Variants in MYO9B observed in about 807,000 individuals in gnomAD.
MYO9B encodes unconventional myosin-IXb.
A neutral mutation model predicts 229.5 loss-of-function variants in MYO9B; 71 were observed. The ratio of observed to expected loss-of-function variants is 0.31; its 90% CI spans 0.26 to 0.38. The LOEUF is 0.38. Ranked by LOEUF, MYO9B falls within the 10% of genes least tolerant of loss-of-function variation. MYO9B has a pLI of 1.00. For synonymous variants in MYO9B, 1,185 were observed against 1,235.8 expected, an observed-to-expected ratio of 0.96 and a Z score of 0.86; for missense variants, 2,255 against 2,920.5, an observed-to-expected ratio of 0.77 and a Z score of 5.25.
chr19:17,161,144 C>A (rs778836232), intron 8 of MYO9B, among the ~76,000 whole-genome samples: 2 of 152,138 alleles, frequency 1.3e-5, no homozygotes, highest in Non-Finnish European at 2.9e-5. Context: ...ATGGTGCACC[C>A]GGAAGAACAA....
rs368270305 is a variant in MYO9B, at chr19:17,200,839, C to G, written c.4563+10C>G. On this transcript the variant is annotated intron_variant, in intron 26 of 39. Transcript: ENST00000682292. Reference sequence around the variant, plus strand: ...GTTCCTGCTCAACAAGGTGGGATCACTAGGCGAGGGCCAGGGGCATGAGGC... The same window carrying G: ...GTTCCTGCTCAACAAGGTGGGATCAGTAGGCGAGGGCCAGGGGCATGAGGC... The G allele has an allele frequency of 1.9e-5, 31 of 1,612,178 alleles. No individual in the cohort carries two copies. Among genetic ancestry groups the G allele is most frequent in the Non-Finnish European group, 2.6e-5 (31 of 1,178,484 alleles).
In MYO9B at chr19:17,200,627, G is replaced by C. The variant is rs925831264; in HGVS notation, c.4373-12G>C. 1.2e-6 allele frequency: 2 copies of C among 1,605,850 alleles called. No individual in the cohort carries two copies. The highest frequency in any genetic ancestry group is 1.3e-5 in the African/African-American group (1 of 74,772). Reference sequence around the variant, plus strand: ...AACCCACCCTCACCGGCTGCTTCCTGTCCCCCCTCAGCCCCCTCCGGACAG... The same window carrying C: ...AACCCACCCTCACCGGCTGCTTCCTCTCCCCCCTCAGCCCCCTCCGGACAG... On this transcript the variant is annotated splice_polypyrimidine_tract_variant and intron_variant, in intron 25 of 39. Coordinates refer to ENST00000682292, the MANE Select transcript of MYO9B (RefSeq NM_004145.4).
intron 11 of MYO9B, among the ~76,000 whole-genome samples, chr19:17,171,142 G>A (rs1364514508): frequency 6.6e-6 from 1 of 152,162 alleles, no homozygotes; most frequent in African/African-American, 2.4e-5. Flanking sequence ...ATGTTTCATA[G>A]CTATAGACTC....
At chr19:17,160,386 CGAG>C (rs1202365549) in intron 8 of MYO9B, among the ~76,000 whole-genome samples, 1 of 151,934 alleles carries the variant, frequency 6.6e-6, no homozygotes, top group Non-Finnish European at 1.5e-5. Context: ...AAATGCAAAA[CGAG>C]GGGGACACAT....
chr19:17,129,721 G>A (rs1267783694), intron 2 of MYO9B, among the ~76,000 whole-genome samples: 1 of 152,210 alleles, frequency 6.6e-6, no homozygotes, highest in Non-Finnish European at 1.5e-5. Flanking sequence ...CACAGTATAT[G>A]CCCCTAGTGG....
chr19:17,115,721 G>T lies in MYO9B; in HGVS notation c.840+13164G>T, dbSNP rs149100801. Among the ~76,000 whole-genome samples the T allele has an allele frequency of 1.8e-4, 28 of 151,696 alleles. No individual in the cohort carries two copies. In the East Asian group the frequency reaches 5.4e-3, roughly 29 times the overall value. On this transcript the variant is annotated intron_variant, in intron 2 of 39. Transcript: ENST00000682292. ...TGACCTCAAGTGATCCACCCACCTC[G>T]TCCCCCACAAAGTGCTGGGATTACA...
At position 17,149,549 on chromosome 19, in the gene MYO9B, C is replaced by T. The variant is rs76301891; in HGVS notation, c.936-3095C>T. ...CCACAACCTCAGGACTGTGGCCATC[C>T]TCGCCCCAGGGAGGGAGGTGCACTT... On this transcript the variant is annotated intron_variant, in intron 3 of 39. Transcript: ENST00000682292. Among the ~76,000 whole-genome samples the T allele has an allele frequency of 3.4e-3, 517 of 152,282 alleles. 2 individuals are homozygous for T. The highest frequency in any genetic ancestry group is 0.011 in the African/African-American group (464 of 41,556).
intron 1 of MYO9B, among the ~76,000 whole-genome samples, chr19:17,090,902 G>C (rs2057631779): frequency 6.6e-6 from 1 of 152,132 alleles, no homozygotes; most frequent in African/African-American, 2.4e-5. Context: ...ATTCCCGCCA[G>C]AACCAGGGTA....
chr19:17,105,895 T>C (rs1047070066), intron 2 of MYO9B, among the ~76,000 whole-genome samples: 1 of 152,170 alleles, frequency 6.6e-6, no homozygotes, highest in Non-Finnish European at 1.5e-5. Flanking sequence ...ATTGTCATTG[T>C]TTACATCAGC....
chr19:17,162,131 T>C (rs2072609970), intron 8 of MYO9B, among the ~76,000 whole-genome samples: 1 of 151,676 alleles, frequency 6.6e-6, no homozygotes, highest in South Asian at 2.1e-4. Flanking sequence ...ATGGTGAAAC[T>C]CCATCTCTAG....
At chr19:17,111,111 C>A (rs1482945452) in intron 2 of MYO9B, among the ~76,000 whole-genome samples, 1 of 152,212 alleles carries the variant, frequency 6.6e-6, no homozygotes, top group Non-Finnish European at 1.5e-5. Flanking sequence ...CACGTCCTTT[C>A]CCCCTGAGTC....
chr19:17,162,900 C>A, intron 9 of MYO9B, 88 bp from the exon 10 acceptor site: 2 of 1,443,600 alleles, frequency 1.4e-6, no homozygotes, highest in South Asian at 1.3e-5. Flanking sequence ...CCTAACAGGT[C>A]ACAGCCTGTA....
At chr19:17,173,876 G>C (rs1222046530) in intron 13 of MYO9B, among the ~76,000 whole-genome samples, 1 of 152,098 alleles carries the variant, frequency 6.6e-6, no homozygotes, top group African/African-American at 2.4e-5. Flanking sequence ...TCAGTTATCA[G>C]CTGTGGCTTC....
At chr19:17,134,854 C>T (rs985897128) in intron 2 of MYO9B, among the ~76,000 whole-genome samples, 17 of 152,168 alleles carry the variant, frequency 1.1e-4, no homozygotes, top group Admixed American at 4.6e-4. Context: ...ACCTCCACCT[C>T]CTGGGTTCAG....
In MYO9B at chr19:17,192,817, G is replaced by C. The variant is rs1185892758; in HGVS notation, c.2883G>C (p.Leu961=). The change falls in exon 21 of 40, where the codon CTG becomes CTC. Residue 961 remains leucine, a synonymous_variant. Transcript: ENST00000682292. The part of the protein sequence containing the change: ...TLHREVVRKI[L]LLQSWFRMVL... ...ACCGGGAGGTGGTGCGGAAAATCCT[G>C]CTGCTGCAGAGCTGGTTCCGGATGG... 1.3e-6 allele frequency: 2 copies of C among 1,556,078 alleles called. No homozygotes were observed. Among genetic ancestry groups the C allele is most frequent in the African/African-American group, 2.7e-5 (2 of 73,224 alleles).
chr19:17,142,166 TAA>T (rs374143995), intron 2 of MYO9B, among the ~76,000 whole-genome samples: 2 of 144,840 alleles, frequency 1.4e-5, no homozygotes, highest in Non-Finnish European at 1.5e-5. Flanking sequence ...CCCTGCCTTT[TAA>T]AAAAAAAAAA....
At chr19:17,152,514 G>A (rs1408612324) in intron 3 of MYO9B, 130 bp from the exon 4 acceptor site, 1 of 664,444 alleles carries the variant, frequency 1.5e-6, no homozygotes, top group African/African-American at 1.9e-5. Context: ...AGTGAGCCGA[G>A]ATTGTGCCGT....
At chr19:17,099,898 A>C (rs944443736) in intron 1 of MYO9B, among the ~76,000 whole-genome samples, 1 of 150,598 alleles carries the variant, frequency 6.6e-6, no homozygotes, top group African/African-American at 2.5e-5. Flanking sequence ...AGGATGGATC[A>C]CCTGAGGTCA....
At position 17,117,981 on chromosome 19, in the gene MYO9B, G is replaced by A. The variant is rs571057311; in HGVS notation, c.840+15424G>A. On this transcript the variant is annotated intron_variant, in intron 2 of 39. Transcript: ENST00000682292. ...AAGAAAAGACATATACAGGATTCTA[G>A]TTAGCGGGTATGTGAACTGAGGTTC... Among the ~76,000 whole-genome samples the A allele has an allele frequency of 6.6e-5, 10 of 150,560 alleles. No homozygotes were observed. In the East Asian group the frequency reaches 1.9e-3, roughly 29 times the overall value.
Sources: allele counts gnomAD v4.1 joint callset (sites outside exome capture counted in the v4.1 genomes callset), GRCh38; gene constraint gnomAD v4.1.1; transcripts MANE v1.5; gene names NCBI Gene and HGNC (gene_info 2026-07-23, HGNC 2026-07-21).